The following CUX1 variants were observed in gnomAD, a reference collection of about 807,000 sequenced individuals.
The protein encoded by CUX1 is protein CASP.
A neutral mutation model predicts 158.8 loss-of-function variants in CUX1; 31 were observed. That is an observed-to-expected ratio of 0.20 (90% CI 0.15 to 0.26). The LOEUF is 0.26. CUX1 is among the 10% of genes least tolerant of loss of function. The pLI, the probability that CUX1 is intolerant of heterozygous loss-of-function variation, is 1.00. For synonymous variants in CUX1, 879 were observed against 862.1 expected (o/e 1.02, Z -0.34); for missense variants, 1,589 against 2,014.6 (o/e 0.79, Z 4.04).
Position 102,204,429 on chromosome 7 carries a change from G to C in CUX1, c.2946G>C (p.Leu982=), listed in dbSNP as rs1191569798. ...CCCAGGGCAGCGTCAGCGACATGCT[G>C]TCCCGACCGAAGCCATGGAGCAAGC... ...GLSQGSVSDM[L]SRPKPWSKLT... Residue 982 remains leucine (L), a synonymous_variant, in exon 19 of 24, where the codon CTG becomes CTC. Coordinates refer to ENST00000292535, the MANE Select transcript of CUX1 (RefSeq NM_181552.4). 1.2e-6 allele frequency: 2 copies of C among 1,613,664 alleles called. No homozygotes were observed. Among genetic ancestry groups the C allele is most frequent in the Non-Finnish European group, 1.7e-6 (2 of 1,180,028 alleles).
intron 22 of CUX1, among the ~76,000 whole-genome samples, chr7:102,235,798 A>ACACG (rs1554532576): frequency 2.2e-5 from 3 of 135,576 alleles, no homozygotes; most frequent in Admixed American, 7.7e-5. Context: ...ACACACACAC[A>ACACG]CGCGCACACA....
chr7:102,180,605 G>A (rs200760506), intron 11 of CUX1, among the ~76,000 whole-genome samples: 25 of 150,886 alleles, frequency 1.7e-4, no homozygotes, highest in East Asian at 1.6e-3. Flanking sequence ...GGGATTATAG[G>A]CATGAGCCGC....
chr7:101,857,208 T>A (rs1378568342), intron 1 of CUX1, among the ~76,000 whole-genome samples: 1 of 152,210 alleles, frequency 6.6e-6, no homozygotes, highest in African/African-American at 2.4e-5. Context: ...CTTATCTGAT[T>A]GGGGGCTGTG....
In CUX1 at chr7:102,239,343, T is replaced by G. The variant is rs1554533972; in HGVS notation, c.3646T>G (p.Ser1216Ala). 2 of 1,609,596 alleles carry G rather than the reference T, an allele frequency of 1.2e-6. No homozygotes were observed. Among genetic ancestry groups the G allele is most frequent in the Non-Finnish European group, 1.7e-6 (2 of 1,177,436 alleles). Residue 1216 changes from serine (S) to alanine (A), a missense_variant, in exon 23 of 24, where the codon TCA becomes GCA. Physicochemically the swap from Ser to Ala is moderately conservative, Grantham distance 99 (BLOSUM62 1). Coordinates refer to ENST00000292535, the MANE Select transcript of CUX1 (RefSeq NM_181552.4). ...AGCCTACATGAAGCGGCGGCACAGC[T>G]CAGTCAGTGACAGCCAGCCCTGCGA... ...KKAYMKRRHS[S>A]VSDSQPCEPP...
At chr7:102,175,740 G>C (rs1293908115) in intron 10 of CUX1, among the ~76,000 whole-genome samples, 2 of 152,156 alleles carry the variant, frequency 1.3e-5, no homozygotes, top group African/African-American at 4.8e-5. Context: ...ACCCTGGAGG[G>C]CTCGTGACGT....
intron 10 of CUX1, among the ~76,000 whole-genome samples, chr7:102,172,284 G>A (rs1791813966): frequency 6.6e-6 from 1 of 152,018 alleles, no homozygotes; most frequent in Non-Finnish European, 1.5e-5. Context: ...TAGAGATGGG[G>A]TTTTGCCACA....
chr7:101,896,547 A>C (rs759609592), intron 1 of CUX1, among the ~76,000 whole-genome samples: 1 of 152,170 alleles, frequency 6.6e-6, no homozygotes, highest in East Asian at 1.9e-4. Flanking sequence ...GTCAGCTCCA[A>C]CTAGACTCTG....
intron 18 of CUX1, among the ~76,000 whole-genome samples, chr7:102,278,670 A>AATAAAAT (rs1791806205): frequency 5.2e-5 from 7 of 134,472 alleles, no homozygotes; most frequent in African/African-American, 2.1e-4. Flanking sequence ...AATAAAATAA[A>AATAAAAT]ATATAAAATA....
intron 23 of CUX1, among the ~76,000 whole-genome samples, chr7:102,244,032 A>T (rs1313004682): frequency 6.6e-6 from 1 of 151,830 alleles, no homozygotes. Context: ...GTCTCAAAAA[A>T]ATAAAAATAA....
chr7:101,887,335 T>A (rs1327232093), intron 1 of CUX1, among the ~76,000 whole-genome samples: 1 of 152,058 alleles, frequency 6.6e-6, no homozygotes, highest in Non-Finnish European at 1.5e-5. Flanking sequence ...AGAAAGAGGA[T>A]CTTGCTCTGT....
At chr7:102,156,846 A>T (rs1789816732) in intron 8 of CUX1, among the ~76,000 whole-genome samples, 1 of 152,180 alleles carries the variant, frequency 6.6e-6, no homozygotes, top group African/African-American at 2.4e-5. Flanking sequence ...AATTCTAGGG[A>T]TATAGGGCAA....
At chr7:102,165,281 T>G (rs1360649468) in intron 9 of CUX1, among the ~76,000 whole-genome samples, 3 of 151,966 alleles carry the variant, frequency 2.0e-5, no homozygotes, top group African/African-American at 4.8e-5. Context: ...GTTCAGACTT[T>G]AGAGGCCTGG....
intron 20 of CUX1, among the ~76,000 whole-genome samples, chr7:102,212,806 G>A (rs992862147): frequency 1.3e-5 from 2 of 152,140 alleles, no homozygotes; most frequent in Non-Finnish European, 2.9e-5. Context: ...GTAACACACC[G>A]TGGAGACCTT....
intron 8 of CUX1, among the ~76,000 whole-genome samples, chr7:102,130,820 C>T (rs956523424): frequency 2.6e-5 from 4 of 151,910 alleles, no homozygotes; most frequent in East Asian, 3.9e-4. Context: ...ATGTGTGCTT[C>T]GAAGCATTTC....
At chr7:101,822,842 A>G (rs1275956057) in intron 1 of CUX1, among the ~76,000 whole-genome samples, 15 of 151,298 alleles carry the variant, frequency 9.9e-5, no homozygotes, top group African/African-American at 3.6e-4. Context: ...TGGAGGTTGC[A>G]GTGAGCTGAG....
intron 3 of CUX1, among the ~76,000 whole-genome samples, chr7:102,034,751 C>CAAAAAAAAA (rs33994794): frequency 8.5e-6 from 1 of 117,950 alleles, no homozygotes; most frequent in African/African-American, 3.4e-5. Context: ...GACTCCGTCT[C>CAAAAAAAAA]AAAAAAAAAA....
chr7:101,821,386 C>CGGAGT (rs1792475656), intron 1 of CUX1, among the ~76,000 whole-genome samples: 1 of 151,154 alleles, frequency 6.6e-6, no homozygotes, highest in Non-Finnish European at 1.5e-5. Context: ...TCGCCCAGGC[C>CGGAGT]GGAGTGCAGA....
intron 14 of CUX1, among the ~76,000 whole-genome samples, chr7:102,266,081 G>C (rs1307159220): frequency 6.6e-6 from 1 of 151,890 alleles, no homozygotes; most frequent in East Asian, 1.9e-4. Context: ...GTTCATGCTT[G>C]TAGTCCCAGC....
chr7:101,994,813 G>A (rs1177398961), intron 2 of CUX1, among the ~76,000 whole-genome samples: 1 of 151,824 alleles, frequency 6.6e-6, no homozygotes, highest in Non-Finnish European at 1.5e-5. Flanking sequence ...ATTAAGGCCA[G>A]GCACGGTGGC....
Sources: allele counts gnomAD v4.1 joint callset (sites outside exome capture counted in the v4.1 genomes callset), GRCh38; gene constraint gnomAD v4.1.1; transcripts MANE v1.5; gene names NCBI Gene and HGNC (gene_info 2026-07-23, HGNC 2026-07-21).